The following CDC27 variants were observed in gnomAD, a reference collection of about 807,000 sequenced individuals.
The protein encoded by CDC27 is cell division cycle protein 27 homolog.
Under a neutral mutation model 109.7 loss-of-function variants are expected in CDC27, and 27 were observed. That is an observed-to-expected ratio of 0.25 (90% CI 0.18 to 0.34). CDC27 has a LOEUF of 0.34. Among genes scored for constraint, CDC27 ranks in the 10% least tolerant of loss-of-function variants. The pLI, the probability that CDC27 is intolerant of heterozygous loss-of-function variation, is 1.00. For synonymous variants in CDC27, 266 were observed against 333.9 expected, an observed-to-expected ratio of 0.80 and a Z score of 2.22; for missense variants, 579 against 960.2, an observed-to-expected ratio of 0.60 and a Z score of 5.25.
chr17:47,184,604 C>T (rs2064360204), intron 1 of CDC27, among the ~76,000 whole-genome samples: 2 of 152,194 alleles, frequency 1.3e-5, no homozygotes. Flanking sequence ...GTATCCATTT[C>T]TGACTTAAAA....
chr17:47,189,195 C>G lies in CDC27; in HGVS notation c.-23G>C. ...CATCCTCGAGGCTCAGGCCCACTTT[C>G]TGCAGTGCCTCAGGCCCCCCCTGTA... On this transcript the variant is annotated 5_prime_UTR_variant, in exon 1 of 19. Coordinates refer to ENST00000066544, the MANE Select transcript of CDC27 (RefSeq NM_001256.6). 6.2e-7 allele frequency: 1 copy of G among 1,602,414 alleles called. No individual in the cohort carries two copies. Among genetic ancestry groups the G allele is most frequent in the Non-Finnish European group, 8.6e-7 (1 of 1,169,418 alleles).
chr17:47,143,791 T>C, intron 10 of CDC27, 92 bp downstream of exon 10: 1 of 493,504 alleles, frequency 2.0e-6, no homozygotes, highest in Non-Finnish European at 3.4e-6. Context: ...ATAGTCTCTT[T>C]GTTAACTTAT....
chr17:47,152,347 T>A (rs1030094459), intron 8 of CDC27, among the ~76,000 whole-genome samples: 3 of 152,164 alleles, frequency 2.0e-5, no homozygotes, highest in Non-Finnish European at 4.4e-5. Context: ...GATTTTATAC[T>A]CCTTTGGCAC....
intron 14 of CDC27, among the ~76,000 whole-genome samples, chr17:47,134,057 T>C (rs184642725): frequency 2.0e-5 from 3 of 152,186 alleles, no homozygotes; most frequent in East Asian, 1.9e-4. Flanking sequence ...AGCCTTCTTA[T>C]ATTAACATAT....
intron 4 of CDC27, among the ~76,000 whole-genome samples, chr17:47,168,891 TC>T (rs1182708525): frequency 1.1e-4 from 16 of 151,806 alleles, no homozygotes; most frequent in Non-Finnish European, 1.3e-4. Flanking sequence ...AGACAAGCAG[TC>T]CCCAGTCACT....
Position 47,160,414 on chromosome 17 carries a change from T to C in CDC27, c.378-2111A>G, listed in dbSNP as rs190319543. Among the ~76,000 whole-genome samples, 168 of 152,106 alleles carry C rather than the reference T, an allele frequency of 1.1e-3. 1 individual carries two copies. The highest frequency in any genetic ancestry group is 9.2e-3 in the Admixed American group (141 of 15,280). On this transcript the variant is annotated intron_variant, in intron 4 of 18. Coordinates refer to ENST00000066544, the MANE Select transcript of CDC27 (RefSeq NM_001256.6). ...GCTAATTTTTATATTTTAGTAGAGATAGGGTTTCACCAGGTTGGCCAGGCT... is the reference window on the plus strand; with the variant it reads ...GCTAATTTTTATATTTTAGTAGAGACAGGGTTTCACCAGGTTGGCCAGGCT...
chr17:47,184,477 T>C (rs1057380465), intron 1 of CDC27, among the ~76,000 whole-genome samples: 2 of 152,106 alleles, frequency 1.3e-5, no homozygotes, highest in Non-Finnish European at 2.9e-5. Context: ...CACACACATA[T>C]ACTAAAGTCA....
At chr17:47,133,349 G>T (rs949109261) in intron 14 of CDC27, among the ~76,000 whole-genome samples, 1 of 150,556 alleles carries the variant, frequency 6.6e-6, no homozygotes, top group Non-Finnish European at 1.5e-5. Context: ...TGTTGGTCAG[G>T]CTGGTCTTGA....
chr17:47,122,637 T>C, intron 17 of CDC27, 37 bp from the exon 18 acceptor site: 2 of 1,496,374 alleles, frequency 1.3e-6, no homozygotes, highest in African/African-American at 2.8e-5. Flanking sequence ...TTTCATTAAG[T>C]TGTGAGCTTC....
chr17:47,177,543 G>C (rs1047254792), intron 2 of CDC27, among the ~76,000 whole-genome samples: 1 of 152,218 alleles, frequency 6.6e-6, no homozygotes, highest in Non-Finnish European at 1.5e-5. Context: ...ACTGCAGCCT[G>C]GGTGACAGAG....
chr17:47,122,672 A>G (rs1287732394), intron 17 of CDC27, 72 bp from the exon 18 acceptor site: 1 of 1,060,496 alleles, frequency 9.4e-7, no homozygotes, highest in Non-Finnish European at 1.3e-6. Context: ...AACTATATAT[A>G]TACTTATTTA....
intron 3 of CDC27, 139 bp from the exon 4 acceptor site, chr17:47,170,181 T>C (rs1322374383): frequency 3.7e-6 from 2 of 536,042 alleles, no homozygotes; most frequent in African/African-American, 2.0e-5. Context: ...CCTTCCTTCC[T>C]TCATCCCTCC....
rs200208812 is a variant in CDC27, at chr17:47,123,981, C to T, written c.2161-21G>A. 4.8e-5 allele frequency: 74 copies of T among 1,546,444 alleles called. 1 individual carries two copies. The South Asian group carries it at 6.3e-4, about 13-fold the overall frequency. ...GCAGACTGAAAAAGGCAAAGAAAAACCTTAAAGTAGCAAAAATTTTTAAAG... is the reference window on the plus strand; with the variant it reads ...GCAGACTGAAAAAGGCAAAGAAAAATCTTAAAGTAGCAAAAATTTTTAAAG... On this transcript the variant is annotated intron_variant, in intron 16 of 18. Transcript: ENST00000066544.
chr17:47,164,061 G>C (rs2063572256), intron 4 of CDC27, among the ~76,000 whole-genome samples: 1 of 152,106 alleles, frequency 6.6e-6, no homozygotes, highest in Non-Finnish European at 1.5e-5. Flanking sequence ...ACCCTGCCTG[G>C]CCCCCATAAG....
At chr17:47,137,419 A>C in intron 13 of CDC27, 59 bp from the exon 14 acceptor site, 2 of 979,204 alleles carry the variant, frequency 2.0e-6, no homozygotes, top group Non-Finnish European at 2.8e-6. Context: ...TCTAAAACCA[A>C]ATCTATGACT....
intron 1 of CDC27, among the ~76,000 whole-genome samples, chr17:47,184,559 A>G (rs1216861314): frequency 6.6e-6 from 1 of 152,210 alleles, no homozygotes; most frequent in African/African-American, 2.4e-5. Context: ...GGCGGGGGGA[A>G]AAAAGAAGGA....
At chr17:47,158,941 G>A (rs2063404720) in intron 4 of CDC27, among the ~76,000 whole-genome samples, 1 of 151,924 alleles carries the variant, frequency 6.6e-6, no homozygotes, top group Non-Finnish European at 1.5e-5. Flanking sequence ...TCGTCGAGAT[G>A]GGGTTTTGCC....
intron 16 of CDC27, among the ~76,000 whole-genome samples, chr17:47,128,139 T>C (rs1003573067): frequency 4.6e-5 from 7 of 152,126 alleles, no homozygotes; most frequent in African/African-American, 1.7e-4. Context: ...CAAGTGATTC[T>C]CGTGCCTCAG....
At chr17:47,126,225 C>T (rs1408115514) in intron 16 of CDC27, among the ~76,000 whole-genome samples, 1 of 151,868 alleles carries the variant, frequency 6.6e-6, no homozygotes, top group Admixed American at 6.6e-5. Context: ...TTTCAAGTGA[C>T]CAGGGAATGA....
Sources: gnomAD v4.1 joint callset for allele counts (sites outside exome capture counted in the v4.1 genomes callset) on GRCh38, gnomAD v4.1.1 for gene constraint, MANE v1.5 for transcripts, NCBI Gene and HGNC (gene_info 2026-07-23, HGNC 2026-07-21) for gene names.